Variants in ROR1 observed in about 807,000 individuals in gnomAD.
ROR1 encodes inactive tyrosine-protein kinase transmembrane receptor ROR1.
ROR1 carries 19 observed loss-of-function variants against 78.8 expected under a neutral mutation model. The observed-to-expected ratio is 0.24, with a 90% confidence interval of 0.17 to 0.35. The LOEUF (loss-of-function observed/expected upper bound fraction) is 0.35. Ranked by LOEUF, ROR1 falls within the 10% of genes least tolerant of loss-of-function variation. ROR1 has a pLI of 1.00. For synonymous variants in ROR1, 386 were observed against 433.6 expected, an observed-to-expected ratio of 0.89 and a Z score of 1.36; for missense variants, 917 against 1,177.8, an observed-to-expected ratio of 0.78 and a Z score of 3.24.
chr1:64,099,980 A>G (rs1213385915), intron 4 of ROR1, among the ~76,000 whole-genome samples: 9 of 152,164 alleles, frequency 5.9e-5, no homozygotes, highest in Non-Finnish European at 7.4e-5. Context: ...GCTTAAACCC[A>G]GGAGGTGGAG....
In ROR1 at chr1:63,929,973, A is replaced by G. The variant is rs371132729; in HGVS notation, c.92-79332A>G. 1.2e-3 allele frequency among the ~76,000 whole-genome samples: 176 copies of G among 151,818 alleles called. 3 individuals are homozygous for G. In the South Asian group the frequency reaches 0.036, roughly 31 times the overall value. ...AGACAGAGTGTTAGGACTTTTTTTT[A>G]TTATTATTATTATTTAAGTTCTGGG... On this transcript the variant is annotated intron_variant, in intron 1 of 8. Coordinates refer to ENST00000371079, the MANE Select transcript of ROR1 (RefSeq NM_005012.4).
chr1:63,843,306 G>A, intron 1 of ROR1: 1 of 1,304,446 alleles, frequency 7.7e-7, no homozygotes, highest in Non-Finnish European at 1.1e-6. Flanking sequence ...CTTGATCCCT[G>A]TCAGCTTCTT....
chr1:64,104,663 C>T (rs1014906354), intron 4 of ROR1, among the ~76,000 whole-genome samples: 2 of 152,040 alleles, frequency 1.3e-5, no homozygotes, highest in African/African-American at 4.8e-5. Context: ...TCCCTGTGTC[C>T]ATGTGTTATC....
intron 7 of ROR1, chr1:64,143,006 A>T: frequency 9.1e-7 from 1 of 1,097,172 alleles, no homozygotes; most frequent in Non-Finnish European, 1.1e-6. Flanking sequence ...AAAAAAAGGA[A>T]TATTGGAAGC....
chr1:63,921,932 G>T (rs1023498073), intron 1 of ROR1, among the ~76,000 whole-genome samples: 5 of 152,166 alleles, frequency 3.3e-5, no homozygotes, highest in Non-Finnish European at 7.4e-5. Flanking sequence ...TATAGAGTCT[G>T]TCTTCAGCAG....
At chr1:63,840,366 G>C (rs923755381) in intron 1 of ROR1, among the ~76,000 whole-genome samples, 7 of 149,810 alleles carry the variant, frequency 4.7e-5, no homozygotes, top group African/African-American at 1.7e-4. Context: ...TGCAACCTCT[G>C]CCTCCGGGGT....
intron 1 of ROR1, among the ~76,000 whole-genome samples, chr1:63,844,250 A>ATCTTAAAG (rs1246503643): frequency 6.6e-6 from 1 of 152,126 alleles, no homozygotes; most frequent in Non-Finnish European, 1.5e-5. Context: ...ATCTGGCTAC[A>ATCTTAAAG]TGGTTTTCTG....
At chr1:64,119,361 C>G (rs973459700) in intron 4 of ROR1, among the ~76,000 whole-genome samples, 3 of 152,146 alleles carry the variant, frequency 2.0e-5, no homozygotes, top group South Asian at 2.1e-4. Flanking sequence ...TGGCTGGCAG[C>G]CAGGTACAGT....
intron 4 of ROR1, among the ~76,000 whole-genome samples, chr1:64,118,356 C>T (rs1029498991): frequency 2.0e-5 from 3 of 151,902 alleles, no homozygotes; most frequent in Non-Finnish European, 4.4e-5. Flanking sequence ...TGGCCGGGTG[C>T]TGTGGCTCAC....
At chr1:64,092,972 A>G (rs1313259904) in intron 4 of ROR1, among the ~76,000 whole-genome samples, 1 of 152,174 alleles carries the variant, frequency 6.6e-6, no homozygotes, top group Admixed American at 6.5e-5. Context: ...AGATGTTTTC[A>G]CAGTTACCAC....
At chr1:64,172,013 G>A (rs1023150082) in intron 8 of ROR1, among the ~76,000 whole-genome samples, 2 of 152,278 alleles carry the variant, frequency 1.3e-5, no homozygotes, top group South Asian at 2.1e-4. Flanking sequence ...ACTTCCCAAA[G>A]ATGGAAAGAG....
intron 1 of ROR1, among the ~76,000 whole-genome samples, chr1:63,995,433 A>G (rs1646329005): frequency 6.6e-6 from 1 of 152,188 alleles, no homozygotes; most frequent in Non-Finnish European, 1.5e-5. Context: ...CTGTCAGACT[A>G]AGATGACTCT....
intron 1 of ROR1, among the ~76,000 whole-genome samples, chr1:63,805,027 A>G (rs980019210): frequency 1.3e-5 from 2 of 152,216 alleles, no homozygotes; most frequent in African/African-American, 2.4e-5. Context: ...TGAGTATTTC[A>G]TAGCCAGATG....
chr1:63,835,252 C>G (rs901807303), intron 1 of ROR1, among the ~76,000 whole-genome samples: 4 of 152,134 alleles, frequency 2.6e-5, no homozygotes, highest in African/African-American at 9.7e-5. Context: ...GTCACTCATC[C>G]CTTTCAGAGC....
chr1:64,097,573 T>A (rs1647347150), intron 4 of ROR1, among the ~76,000 whole-genome samples: 1 of 88,992 alleles, frequency 1.1e-5, no homozygotes, highest in Non-Finnish European at 2.0e-5. Context: ...ATATTTCATA[T>A]AGTATATATA....
chr1:63,805,958 G>A (rs1644825794), intron 1 of ROR1, among the ~76,000 whole-genome samples: 1 of 152,218 alleles, frequency 6.6e-6, no homozygotes, highest in Non-Finnish European at 1.5e-5. Flanking sequence ...GTTCAAGGCT[G>A]CAGCCCAATA....
intron 1 of ROR1, among the ~76,000 whole-genome samples, chr1:63,918,030 T>C (rs965903553): frequency 6.6e-6 from 1 of 152,148 alleles, no homozygotes; most frequent in African/African-American, 2.4e-5. Flanking sequence ...AAGTGAGGAG[T>C]CACCACTACC....
In ROR1 at chr1:64,141,180, A is replaced by G. The variant is rs527498313; in HGVS notation, c.928+754A>G. ...TAATGGTACATGTAATGGTAAGTGTATTATAGCATGTATCAGTACATTCTC... is the reference window on the plus strand; with the variant it reads ...TAATGGTACATGTAATGGTAAGTGTGTTATAGCATGTATCAGTACATTCTC... On this transcript the variant is annotated intron_variant, in intron 6 of 8. Transcript: ENST00000371079. 2.0e-5 allele frequency among the ~76,000 whole-genome samples: 3 copies of G among 152,336 alleles called. No individual in the cohort carries two copies. In the South Asian group the frequency reaches 6.2e-4, roughly 32 times the overall value.
chr1:63,943,110 A>G (rs1645855020), intron 1 of ROR1, among the ~76,000 whole-genome samples: 1 of 151,742 alleles, frequency 6.6e-6, no homozygotes. Flanking sequence ...AAAAAAAAAA[A>G]AAAAAAAGAT....
Sources: allele counts gnomAD v4.1 joint callset (sites outside exome capture counted in the v4.1 genomes callset), GRCh38; gene constraint gnomAD v4.1.1; transcripts MANE v1.5; gene names NCBI Gene and HGNC (gene_info 2026-07-23, HGNC 2026-07-21).